The following MEGF11 variants were observed in gnomAD, a reference collection of about 807,000 sequenced individuals.
MEGF11 encodes the protein multiple epidermal growth factor-like domains protein 11.
In MEGF11, 126 loss-of-function variants were observed where a neutral mutation model predicts 146.6. The ratio of observed to expected loss-of-function variants is 0.86; its 90% CI spans 0.74 to 1.00. The LOEUF (loss-of-function observed/expected upper bound fraction) is 1.00. Among genes scored for constraint, MEGF11 ranks in the 50% least tolerant of loss-of-function variants. The pLI is 0.00. For missense variants in MEGF11, 1,509 were observed against 1,521.2 expected, an observed-to-expected ratio of 0.99 and a Z score of 0.13; for synonymous variants, 532 against 583.4, an observed-to-expected ratio of 0.91 and a Z score of 1.27.
At chr15:66,032,263 T>C (rs2083551409) in intron 5 of MEGF11, among the ~76,000 whole-genome samples, 1 of 152,234 alleles carries the variant, frequency 6.6e-6, no homozygotes, top group Non-Finnish European at 1.5e-5. Context: ...TTAAATAAAT[T>C]ACCCAGTCTG....
chr15:66,221,249 T>G (rs1391655878), intron 1 of MEGF11, among the ~76,000 whole-genome samples: 1 of 152,104 alleles, frequency 6.6e-6, no homozygotes, highest in Admixed American at 6.6e-5. Context: ...GCGACTCTCC[T>G]TGGGAGAGGG....
intron 20 of MEGF11, 179 bp from the exon 21 acceptor site, chr15:65,912,379 T>A (rs2078840905): frequency 2.6e-6 from 1 of 389,792 alleles, no homozygotes; most frequent in Admixed American, 4.5e-5. Context: ...AGAGCCTGAT[T>A]TGCTCCTTCC....
At chr15:66,149,124 T>C (rs549064675) in intron 1 of MEGF11, among the ~76,000 whole-genome samples, 1 of 152,358 alleles carries the variant, frequency 6.6e-6, no homozygotes, top group South Asian at 2.1e-4. Context: ...TGATCCTTTC[T>C]GGCCCCTCAT....
chr15:66,097,621 G>A (rs2086609093), intron 4 of MEGF11, among the ~76,000 whole-genome samples: 1 of 151,980 alleles, frequency 6.6e-6, no homozygotes, highest in African/African-American at 2.4e-5. Flanking sequence ...CCGTGTGATG[G>A]GGCCAGCCAC....
chr15:66,100,185 G>A (rs62011846), intron 4 of MEGF11, among the ~76,000 whole-genome samples: 15,796 of 152,188 alleles, frequency 0.1, 976 homozygotes, highest in Middle Eastern at 0.22. Flanking sequence ...AGTGTTTACC[G>A]GGCACCTCCT....
At chr15:65,917,376 T>C (rs1192279911) in intron 16 of MEGF11, among the ~76,000 whole-genome samples, 2 of 152,120 alleles carry the variant, frequency 1.3e-5, no homozygotes, top group Non-Finnish European at 2.9e-5. Flanking sequence ...GGAGCCTGTC[T>C]CCTCATCAGA....
At chr15:66,204,060 C>G (rs2091236108) in intron 1 of MEGF11, among the ~76,000 whole-genome samples, 1 of 149,300 alleles carries the variant, frequency 6.7e-6, no homozygotes, top group Non-Finnish European at 1.5e-5. Flanking sequence ...CTGGGCAAGA[C>G]AGTAAGATCT....
rs1307449545 is a variant in MEGF11 at position 66,044,854 on chromosome 15, A to T, written c.394+49548T>A. ...GATGACAGTGAGACCTTATCTCAAA[A>T]AAAAAAAAAAAAAAAAAAAAAAAAA... On this transcript the variant is annotated intron_variant, in intron 5 of 25. Transcript: ENST00000395614. Among the ~76,000 whole-genome samples, 3 of 2,644 alleles carry T rather than the reference A, an allele frequency of 1.1e-3. No homozygotes were observed. In the Non-Finnish European group the frequency reaches 0.06, roughly 53 times the overall value. The allele number at this position is 2,644 out of a possible 152,430, so 1.7% of individuals were successfully genotyped here. A position where few individuals can be genotyped will look rare whatever the true frequency, so the allele number is the denominator to read the frequency against.
intron 1 of MEGF11, among the ~76,000 whole-genome samples, chr15:66,149,603 T>A (rs894844006): frequency 2.6e-5 from 4 of 152,072 alleles, no homozygotes; most frequent in African/African-American, 9.7e-5. Context: ...CCCATCTCCA[T>A]CAGCATCACG....
intron 1 of MEGF11, among the ~76,000 whole-genome samples, chr15:66,179,104 C>T (rs528719915): frequency 1.1e-4 from 16 of 152,240 alleles, no homozygotes; most frequent in African/African-American, 3.6e-4. Context: ...GCATCACAGC[C>T]CCAGCTCTAG....
At chr15:66,204,101 G>T (rs1012828395) in intron 1 of MEGF11, among the ~76,000 whole-genome samples, 1 of 151,352 alleles carries the variant, frequency 6.6e-6, no homozygotes, top group Non-Finnish European at 1.5e-5. Flanking sequence ...AAAAAAAAAG[G>T]TTCTACAAAA....
intron 24 of MEGF11, among the ~76,000 whole-genome samples, chr15:65,900,856 G>A (rs2078478670): frequency 6.6e-6 from 1 of 152,188 alleles, no homozygotes; most frequent in Non-Finnish European, 1.5e-5. Flanking sequence ...ACATCCTTGC[G>A]AGACACTGAA....
In MEGF11 at chr15:66,128,413, T is replaced by G; in HGVS notation, c.-8-2A>C. On this transcript the variant is annotated splice_acceptor_variant, in intron 1 of 25. Coordinates refer to ENST00000395614, the MANE Select transcript of MEGF11 (RefSeq NM_001385028.1). LOFTEE classifies it low-confidence loss of function (5UTR_SPLICE). ...TCAGGGAGAGCACCATCCCGGGCCCTGCACAGGAGAACAAAGGAGGCTGCG... is the reference window on the plus strand; with the variant it reads ...TCAGGGAGAGCACCATCCCGGGCCCGGCACAGGAGAACAAAGGAGGCTGCG... The G allele has an allele frequency of 6.9e-7, 1 of 1,449,840 alleles. No homozygotes were observed. Among genetic ancestry groups the G allele is most frequent in the Non-Finnish European group, 9.1e-7 (1 of 1,097,114 alleles). The allele number at this position is 1,449,840 out of a possible 1,614,324, so 89.8% of individuals were successfully genotyped here.
chr15:66,047,396 T>G (rs1293649197), intron 5 of MEGF11, among the ~76,000 whole-genome samples: 1 of 152,182 alleles, frequency 6.6e-6, no homozygotes, highest in African/African-American at 2.4e-5. Flanking sequence ...GAGTTACATG[T>G]CTTCTCTGAG....
chr15:66,157,168 G>A (rs950176133), intron 1 of MEGF11, among the ~76,000 whole-genome samples: 19 of 152,276 alleles, frequency 1.2e-4, no homozygotes, highest in African/African-American at 4.6e-4. Flanking sequence ...AACATATGTG[G>A]TATTGACAAC....
chr15:65,923,076 T>C (rs972697157), intron 13 of MEGF11, 107 bp from the exon 14 acceptor site: 2 of 1,249,296 alleles, frequency 1.6e-6, no homozygotes, highest in Non-Finnish European at 2.2e-6. Context: ...GCAAGCATAG[T>C]GCATCCAGGA....
intron 1 of MEGF11, among the ~76,000 whole-genome samples, chr15:66,189,614 C>A (rs1024431235): frequency 6.6e-6 from 1 of 152,174 alleles, no homozygotes; most frequent in African/African-American, 2.4e-5. Flanking sequence ...GAGGGCACCA[C>A]TGGAGTCTCA....
chr15:66,038,812 A>G (rs333595), intron 5 of MEGF11, among the ~76,000 whole-genome samples: 148,817 of 152,254 alleles, frequency 0.98, 72,821 homozygotes, highest in Middle Eastern at 1. Flanking sequence ...CACAAATCCA[A>G]TCACCTGGGT....
intron 1 of MEGF11, among the ~76,000 whole-genome samples, chr15:66,199,756 T>G (rs2091103597): frequency 6.6e-6 from 1 of 152,092 alleles, no homozygotes; most frequent in Non-Finnish European, 1.5e-5. Flanking sequence ...ACCACTGCAC[T>G]TCAGCCTGGG....
Sources: gnomAD v4.1 joint callset for allele counts (sites outside exome capture counted in the v4.1 genomes callset) on GRCh38, gnomAD v4.1.1 for gene constraint, MANE v1.5 for transcripts, NCBI Gene and HGNC (gene_info 2026-07-23, HGNC 2026-07-21) for gene names.